Variants in LRPAP1 observed in about 807,000 individuals in gnomAD.
LRPAP1 encodes alpha-2-macroglobulin receptor-associated protein.
In LRPAP1, 41 loss-of-function variants were observed where a neutral mutation model predicts 39.9. The observed-to-expected ratio is 1.03, with a 90% CI of 0.80 to 1.33. The LOEUF (loss-of-function observed/expected upper bound fraction) is 1.33, where lower values mean the gene tolerates loss of function less well. Among genes scored for constraint, LRPAP1 ranks in the 40% most tolerant of loss-of-function variants. The pLI is 0.00. For missense variants in LRPAP1, 565 were observed against 482.3 expected, an observed-to-expected ratio of 1.17 and a Z score of -1.61; for synonymous variants, 263 against 212.7, an observed-to-expected ratio of 1.24 and a Z score of -2.06.
At chr4:3,522,115 T>C (rs1282010276) in intron 2 of LRPAP1, among the ~76,000 whole-genome samples, 1 of 152,232 alleles carries the variant, frequency 6.6e-6, no homozygotes, top group African/African-American at 2.4e-5. Context: ...CAGGCCTGCC[T>C]GTGAAGGCCG....
chr4:3,522,778 C>T (rs768887812), intron 2 of LRPAP1, among the ~76,000 whole-genome samples: 13 of 152,090 alleles, frequency 8.5e-5, no homozygotes, highest in East Asian at 1.9e-4. Flanking sequence ...CCTGGGGGCG[C>T]GGTGGGGGTG....
chr4:3,532,290 C>T lies in LRPAP1; in HGVS notation c.123G>A (p.Gln41=). The T allele has an allele frequency of 1.3e-6, 2 of 1,565,226 alleles. No homozygotes were observed. Among genetic ancestry groups the T allele is most frequent in the South Asian group, 2.3e-5 (2 of 85,432 alleles). ...HGGKYSREKN[Q]PKPSPKRESG... Reference sequence around the variant, plus strand: ...ACTCGCGTTTCGGGGACGGCTTGGGCTGGTTCTTCTCCCGCGAGTACTTGC... The same window carrying T: ...ACTCGCGTTTCGGGGACGGCTTGGGTTGGTTCTTCTCCCGCGAGTACTTGC... The change falls in exon 1 of 8, where the codon CAG becomes CAA. Residue 41 remains glutamine, a synonymous_variant. Transcript: ENST00000650182.
chr4:3,517,833 G>A (rs916562513), intron 5 of LRPAP1: 2 of 547,476 alleles, frequency 3.7e-6, no homozygotes, highest in Non-Finnish European at 6.1e-6. Context: ...GTACAAGGCT[G>A]GGGACGGCGA....
chr4:3,520,956 CG>C (rs1216209550), intron 2 of LRPAP1, among the ~76,000 whole-genome samples: 1 of 152,154 alleles, frequency 6.6e-6, no homozygotes, highest in Non-Finnish European at 1.5e-5. Flanking sequence ...GCGCTCGACG[CG>C]GGCCCTGGTG....
intron 7 of LRPAP1, among the ~76,000 whole-genome samples, chr4:3,513,527 T>A (rs1055226747): frequency 2.6e-5 from 4 of 152,196 alleles, no homozygotes; most frequent in Admixed American, 6.5e-5. Flanking sequence ...CAGGCTGGTC[T>A]CGAACTCCTG....
chr4:3,514,494 C>G lies in LRPAP1; in HGVS notation c.1011+258G>C, dbSNP rs541075427. On this transcript the variant is annotated intron_variant, in intron 7 of 7. Coordinates refer to ENST00000650182, the MANE Select transcript of LRPAP1 (RefSeq NM_002337.4). ...ACGCCCCATCCTGGTCACAGGAGGACGAGGCAGTGGCCCGCCGGGGCCTGC... is the reference window on the plus strand; with the variant it reads ...ACGCCCCATCCTGGTCACAGGAGGAGGAGGCAGTGGCCCGCCGGGGCCTGC... Among the ~76,000 whole-genome samples the G allele has an allele frequency of 2.0e-5, 3 of 152,330 alleles. No individual in the cohort carries two copies. The South Asian group carries it at 6.2e-4, about 32-fold the overall frequency.
rs113330080 is a variant in LRPAP1, at chr4:3,519,574, G to A, written c.471+498C>T. On this transcript the variant is annotated intron_variant, in intron 3 of 7. Transcript: ENST00000650182. Reference sequence around the variant, plus strand: ...GAGAAACTGTTCTGGAGCAGGAGCCGCTGGAAATGGGGGAGCTGCGGCAGG... The same window carrying A: ...GAGAAACTGTTCTGGAGCAGGAGCCACTGGAAATGGGGGAGCTGCGGCAGG... Among the ~76,000 whole-genome samples, 119 of 152,332 alleles carry A rather than the reference G, an allele frequency of 7.8e-4. 1 individual carries two copies. Among genetic ancestry groups the A allele is most frequent in the African/African-American group, 2.7e-3 (113 of 41,580 alleles).
At position 3,514,995 on chromosome 4, in the gene LRPAP1, G is replaced by A. The variant is rs1264858439; in HGVS notation, c.835-67C>T. The A allele has an allele frequency of 7.0e-6, 11 of 1,566,814 alleles. No homozygotes were observed. In the East Asian group the frequency reaches 2.3e-4, roughly 32 times the overall value. On this transcript the variant is annotated intron_variant, in intron 6 of 7. Transcript: ENST00000650182. ...TCGCCACGCCATCTTGTGGTCCCGG[G>A]TGAACTGCAAGGACGCCAAAGGACG...
intron 3 of LRPAP1, among the ~76,000 whole-genome samples, chr4:3,519,397 A>G (rs971419921): frequency 8.5e-5 from 13 of 152,184 alleles, no homozygotes; most frequent in Non-Finnish European, 1.5e-4. Context: ...TTGTGAGATG[A>G]CGTGGCTCAC....
chr4:3,516,306 C>T (rs967520315), intron 5 of LRPAP1, 108 bp from the exon 6 acceptor site: 11 of 802,832 alleles, frequency 1.4e-5, no homozygotes, highest in African/African-American at 1.1e-4. Flanking sequence ...GGTTTGCAGG[C>T]GCGACCTGCA....
intron 1 of LRPAP1, among the ~76,000 whole-genome samples, chr4:3,525,471 T>C (rs1002283379): frequency 6.6e-6 from 1 of 152,100 alleles, no homozygotes; most frequent in African/African-American, 2.4e-5. Flanking sequence ...AAAAAATCAC[T>C]GTAATCTCAG....
Position 3,512,683 on chromosome 4 carries a change from C to T in LRPAP1, c.*291G>A, listed in dbSNP as rs1462962402. The T allele has an allele frequency of 2.2e-6, 1 of 452,988 alleles. No individual in the cohort carries two copies. Among genetic ancestry groups the T allele is most frequent in the Non-Finnish European group, 4.0e-6 (1 of 252,962 alleles). 28.1% of individuals were successfully genotyped at this position (452,988 alleles called of 1,614,324 possible). Reference sequence around the variant, plus strand: ...TTTAGCAGAGGACTATCAGACCTGACAGCAGCTGGACATCGAGGTCCTCAC... The same window carrying T: ...TTTAGCAGAGGACTATCAGACCTGATAGCAGCTGGACATCGAGGTCCTCAC... On this transcript the variant is annotated 3_prime_UTR_variant, in exon 8 of 8. Transcript: ENST00000650182.
At position 3,532,346 on chromosome 4, in the gene LRPAP1, G is replaced by C. The variant is rs541409658; in HGVS notation, c.67C>G (p.Leu23Val). The change falls in exon 1 of 8, where the codon CTC (leucine) becomes GTC (valine). Residue 23 changes from leucine (L) to valine (V), a missense_variant. Transcript: ENST00000650182. ...LPALLLLLLF[L>V]GPWPAASHGG... ...TGGCTCGCAGCGGGCCAGGGCCCGA[G>C]GAAGAGCAGCAGCAGTAGCAGCGCC... is the stretch of plus-strand genomic sequence containing the variant. 3.1e-6 allele frequency: 5 copies of C among 1,593,890 alleles called. No homozygotes were observed. Among genetic ancestry groups the C allele is most frequent in the African/African-American group, 1.3e-5 (1 of 74,744 alleles).
intron 1 of LRPAP1, among the ~76,000 whole-genome samples, chr4:3,530,038 C>G (rs187134432): frequency 6.6e-6 from 1 of 152,192 alleles, no homozygotes; most frequent in African/African-American, 2.4e-5. Flanking sequence ...TCCAAGACCC[C>G]GTCTCCGTCT....
At chr4:3,525,593 C>T (rs1730057107) in intron 1 of LRPAP1, among the ~76,000 whole-genome samples, 1 of 152,180 alleles carries the variant, frequency 6.6e-6, no homozygotes, top group Non-Finnish European at 1.5e-5. Context: ...CCTTCTGGAG[C>T]AGGAATCTGT....
Position 3,532,190 on chromosome 4 carries a change from G to C in LRPAP1, c.204+19C>G. 8 of 1,181,084 alleles carry C rather than the reference G, an allele frequency of 6.8e-6. No homozygotes were observed. Among genetic ancestry groups the C allele is most frequent in the Non-Finnish European group, 9.2e-6 (8 of 865,012 alleles). 73.2% of individuals were successfully genotyped at this position (1,181,084 alleles called of 1,614,324 possible). A position where few individuals can be genotyped will look rare whatever the true frequency, so the allele number is the denominator to read the frequency against. ...CCCCGCCCCCAGGCCCCGCTCCACC[G>C]ACCGCGGGCCGCGCTCACTCGCTGG... is the stretch of plus-strand genomic sequence containing the variant. On this transcript the variant is annotated intron_variant, in intron 1 of 7. Transcript: ENST00000650182.
chr4:3,529,642 C>T (rs1730186579), intron 1 of LRPAP1, among the ~76,000 whole-genome samples: 1 of 152,190 alleles, frequency 6.6e-6, no homozygotes, highest in Non-Finnish European at 1.5e-5. Context: ...GGGAGAGTCA[C>T]AGAAAGTCAA....
Position 3,514,784 on chromosome 4 carries a change from G to A in LRPAP1, c.979C>T (p.Leu327=), listed in dbSNP as rs200159569. 14 of 1,611,866 alleles carry A rather than the reference G, an allele frequency of 8.7e-6. No homozygotes were observed. Among genetic ancestry groups the A allele is most frequent in the Admixed American group, 3.3e-5 (2 of 59,962 alleles). ...CCCAGCTCCTTGGTCCGCCCCTCCA[G>A]CAGGGCGTGCTTCTCGCGGCTGCGG... ...VSRSREKHAL[L]EGRTKELGYT... Residue 327 remains leucine, a synonymous_variant, in exon 7 of 8, where the codon CTG becomes TTG. Coordinates refer to ENST00000650182, the MANE Select transcript of LRPAP1 (RefSeq NM_002337.4).
At chr4:3,522,065 A>G (rs1278067891) in intron 2 of LRPAP1, among the ~76,000 whole-genome samples, 1 of 152,264 alleles carries the variant, frequency 6.6e-6, no homozygotes, top group East Asian at 1.9e-4. Flanking sequence ...ACTTTTTAAA[A>G]AAGTGGCCTG....
Sources: gnomAD v4.1 joint callset for allele counts (sites outside exome capture counted in the v4.1 genomes callset) on GRCh38, gnomAD v4.1.1 for gene constraint, MANE v1.5 for transcripts, NCBI Gene and HGNC (gene_info 2026-07-23, HGNC 2026-07-21) for gene names.